The following ATP8A2 variants were observed in gnomAD, a reference collection of about 807,000 sequenced individuals.
The protein encoded by ATP8A2 is ATPase phospholipid transporting 8A2.
ATP8A2 carries 100 observed loss-of-function variants against 165.6 expected under a neutral mutation model. The ratio of observed to expected loss-of-function variants is 0.60; its 90% CI spans 0.51 to 0.71. The LOEUF (loss-of-function observed/expected upper bound fraction) is 0.71. Among genes scored for constraint, ATP8A2 ranks in the 30% least tolerant of loss-of-function variants. The probability of loss-of-function intolerance (pLI) is 0.00; values close to 1 mark genes in which losing one functional copy is unlikely to be tolerated. For synonymous variants in ATP8A2, 543 were observed against 548.8 expected, an observed-to-expected ratio of 0.99 and a Z score of 0.15; for missense variants, 1,227 against 1,479.5, an observed-to-expected ratio of 0.83 and a Z score of 2.80.
chr13:25,803,282 C>T (rs1950659764), intron 27 of ATP8A2, among the ~76,000 whole-genome samples: 1 of 152,040 alleles, frequency 6.6e-6, no homozygotes, highest in Non-Finnish European at 1.5e-5. Context: ...AACTACAGGT[C>T]TTAAGTAAGT....
chr13:25,751,324 A>G (rs1427137664), intron 25 of ATP8A2, among the ~76,000 whole-genome samples: 1 of 152,224 alleles, frequency 6.6e-6, no homozygotes, highest in Non-Finnish European at 1.5e-5. Flanking sequence ...TTGTACTTGG[A>G]AAGTTATGAT....
intron 2 of ATP8A2, among the ~76,000 whole-genome samples, chr13:25,496,883 A>C (rs1376120278): frequency 6.6e-6 from 1 of 152,098 alleles, no homozygotes; most frequent in Admixed American, 6.6e-5. Context: ...GGAAATCTCA[A>C]TATTATAATC....
chr13:25,978,160 C>T (rs1219714737), intron 35 of ATP8A2, among the ~76,000 whole-genome samples: 1 of 152,012 alleles, frequency 6.6e-6, no homozygotes. Context: ...TTTTATTTAA[C>T]CCACTTGAGC....
At chr13:25,571,763 C>A in intron 18 of ATP8A2, 71 bp downstream of exon 18, 1 of 1,282,272 alleles carries the variant, frequency 7.8e-7, no homozygotes, top group Non-Finnish European at 1.1e-6. Flanking sequence ...AATGGCATGT[C>A]TATTGTAAAT....
At chr13:25,738,649 C>T (rs998467916) in intron 25 of ATP8A2, among the ~76,000 whole-genome samples, 20 of 152,360 alleles carry the variant, frequency 1.3e-4, no homozygotes, top group Non-Finnish European at 2.6e-4. Flanking sequence ...CTTGCTTCTG[C>T]TCACAGTTTC....
chr13:25,601,612 G>A (rs551769806), intron 24 of ATP8A2, among the ~76,000 whole-genome samples: 4 of 152,188 alleles, frequency 2.6e-5, no homozygotes, highest in Middle Eastern at 6.8e-3. Flanking sequence ...CTACAGGCGC[G>A]CTACAGGCAT....
chr13:25,499,235 A>G (rs2036774280), intron 2 of ATP8A2, among the ~76,000 whole-genome samples: 1 of 152,208 alleles, frequency 6.6e-6, no homozygotes, highest in Non-Finnish European at 1.5e-5. Flanking sequence ...GACTTGGCAA[A>G]GGTGAATGTG....
intron 1 of ATP8A2, among the ~76,000 whole-genome samples, chr13:25,420,319 G>T (rs893001832): frequency 6.6e-6 from 1 of 152,214 alleles, no homozygotes; most frequent in Non-Finnish European, 1.5e-5. Flanking sequence ...GTGGCACAGC[G>T]GGGCTCCGTG....
rs1957066099 is a variant in ATP8A2 at position 26,020,485 on chromosome 13, A to T, written c.*500A>T. ...CTGCTTTGATTCCTGTTTTGTGTGT[A>T]AAATTGGCATAAACTTCTTGATTGC... is the stretch of plus-strand genomic sequence containing the variant. On this transcript the variant is annotated 3_prime_UTR_variant, in exon 37 of 37. Coordinates refer to ENST00000381655, the MANE Select transcript of ATP8A2 (RefSeq NM_016529.6). 1 of 153,216 alleles carries T rather than the reference A, an allele frequency of 6.5e-6. No homozygotes were observed. The highest frequency in any genetic ancestry group is 2.1e-4 in the South Asian group (1 of 4,860). The allele number at this position is 153,216 out of a possible 1,614,324, so 9.5% of individuals were successfully genotyped here. A position where few individuals can be genotyped will look rare whatever the true frequency, so the allele number is the denominator to read the frequency against.
chr13:25,413,144 A>G (rs1416362417), intron 1 of ATP8A2, among the ~76,000 whole-genome samples: 1 of 152,170 alleles, frequency 6.6e-6, no homozygotes. Flanking sequence ...TAAACTCAGT[A>G]AACCAAAACA....
chr13:25,830,803 G>A (rs9581448), intron 28 of ATP8A2, among the ~76,000 whole-genome samples: 1,835 of 152,256 alleles, frequency 0.012, 43 homozygotes, highest in African/African-American at 0.039. Context: ...ATTTATTTCT[G>A]ACCCAGTGGG....
At position 25,530,031 on chromosome 13, in the gene ATP8A2, C is replaced by T; in HGVS notation, c.254C>T (p.Pro85Leu). The change falls in exon 3 of 37, where the codon CCT (proline) becomes CTT (leucine). Residue 85 changes from proline to leucine, a missense_variant. Coordinates refer to ENST00000381655, the MANE Select transcript of ATP8A2 (RefSeq NM_016529.6). ...TAKYSVLTFLPRFLYEQIRRA... is the reference protein window; with the variant it reads ...TAKYSVLTFLLRFLYEQIRRA... The stretch of plus-strand genomic sequence containing the variant: ...AAGTACAGCGTGTTGACATTTCTAC[C>T]TCGATTCTTGTATGAGCAGATTAGA... 1 of 1,612,566 alleles carries T rather than the reference C, an allele frequency of 6.2e-7. No homozygotes were observed. Among genetic ancestry groups the T allele is most frequent in the African/African-American group, 1.3e-5 (1 of 74,986 alleles).
At chr13:25,395,948 C>A (rs1431006394) in intron 1 of ATP8A2, among the ~76,000 whole-genome samples, 1 of 152,040 alleles carries the variant, frequency 6.6e-6, no homozygotes, top group Non-Finnish European at 1.5e-5. Flanking sequence ...GGTTCAAGAG[C>A]TTTCCCTACC....
rs574007708 is a variant in ATP8A2, at chr13:26,024,562, C to G, written c.*4577C>G. The G allele has an allele frequency of 6.6e-6, 1 of 152,260 alleles. No individual in the cohort carries two copies. Among genetic ancestry groups the G allele is most frequent in the Non-Finnish European group, 1.5e-5 (1 of 68,094 alleles). The allele number at this position is 152,260 out of a possible 1,614,324, so 9.4% of individuals were successfully genotyped here. On this transcript the variant is annotated 3_prime_UTR_variant, in exon 37 of 37. Coordinates refer to ENST00000381655, the MANE Select transcript of ATP8A2 (RefSeq NM_016529.6). ...AGCAGAAAAGAAGGGCGAGCTCCCC[C>G]GCGCCGCACCCCGTGTATAATCCAG...
intron 25 of ATP8A2, among the ~76,000 whole-genome samples, chr13:25,731,685 T>C (rs1027922925): frequency 6.6e-6 from 1 of 152,168 alleles, no homozygotes; most frequent in Non-Finnish European, 1.5e-5. Context: ...ATGTGGAATA[T>C]AACACCCTCT....
At position 25,614,947 on chromosome 13, in the gene ATP8A2, T is replaced by G. The variant is rs2040783301; in HGVS notation, c.2211+25248T>G. 2.0e-5 allele frequency among the ~76,000 whole-genome samples: 3 copies of G among 152,306 alleles called. No individual in the cohort carries two copies. The South Asian group carries it at 6.2e-4, about 32-fold the overall frequency. On this transcript the variant is annotated intron_variant, in intron 24 of 36. Coordinates refer to ENST00000381655, the MANE Select transcript of ATP8A2 (RefSeq NM_016529.6). ...GACTCTGTGAGGGTACTTGGTTGTA[T>G]TTTTGTTTAGTGCACTTGTTGGCCT...
intron 33 of ATP8A2, among the ~76,000 whole-genome samples, chr13:25,885,114 T>C (rs1390909676): frequency 2.8e-5 from 4 of 145,294 alleles, no homozygotes; most frequent in Admixed American, 2.1e-4. Context: ...GCTTTTTTTT[T>C]TTTTTTTTTT....
intron 1 of ATP8A2, among the ~76,000 whole-genome samples, chr13:25,451,340 G>T (rs890271469): frequency 6.6e-6 from 1 of 152,254 alleles, no homozygotes; most frequent in East Asian, 1.9e-4. Flanking sequence ...CTTTGGCTCA[G>T]AAATCATTTT....
intron 24 of ATP8A2, among the ~76,000 whole-genome samples, chr13:25,631,812 A>G (rs986863251): frequency 6.6e-6 from 1 of 152,194 alleles, no homozygotes; most frequent in African/African-American, 2.4e-5. Flanking sequence ...GAAAAGCTAA[A>G]GTGTTTTGCG....
Sources: allele counts gnomAD v4.1 joint callset (sites outside exome capture counted in the v4.1 genomes callset), GRCh38; gene constraint gnomAD v4.1.1; transcripts MANE v1.5; gene names NCBI Gene and HGNC (gene_info 2026-07-23, HGNC 2026-07-21).